The following RGS8 variants were observed in gnomAD, a reference collection of about 807,000 sequenced individuals.
The protein encoded by RGS8 is regulator of G protein signaling 8, also known as regulator of G-protein signaling 8.
RGS8 carries 8 observed loss-of-function variants against 21.7 expected under a neutral mutation model. The observed-to-expected ratio is 0.37, with a 90% CI of 0.22 to 0.66. The LOEUF (loss-of-function observed/expected upper bound fraction) is 0.66, where lower values mean the gene tolerates loss of function less well. Ranked by LOEUF, RGS8 falls within the 30% of genes least tolerant of loss-of-function variation. The probability of loss-of-function intolerance (pLI) is 0.59; values close to 1 mark genes in which losing one functional copy is unlikely to be tolerated. For synonymous variants in RGS8, 80 were observed against 83.6 expected (o/e 0.96, Z 0.24); for missense variants, 157 against 217.9 (o/e 0.72, Z 1.76).
intron 1 of RGS8, among the ~76,000 whole-genome samples, chr1:182,683,472 A>C (rs1664605181): frequency 6.6e-6 from 1 of 152,078 alleles, no homozygotes; most frequent in Non-Finnish European, 1.5e-5. Context: ...GGATGGGGTA[A>C]GCTTTCCTTC....
chr1:182,649,904 TC>T (rs1662917089), intron 5 of RGS8, among the ~76,000 whole-genome samples: 1 of 146,344 alleles, frequency 6.8e-6, no homozygotes, highest in Admixed American at 6.8e-5. Context: ...TGTTAACAAC[TC>T]TTTTTTTTTT....
chr1:182,643,012 G>C (rs904935278), downstream of RGS8: 5 of 152,250 alleles, frequency 3.3e-5, no homozygotes, highest in Non-Finnish European at 7.3e-5. Flanking sequence ...ACACAAGGGC[G>C]CAGGAAAACA....
At chr1:182,706,520 A>T in the RGS8 span, among the ~76,000 whole-genome samples, 3 of 150,964 alleles carry the variant, frequency 2.0e-5, no homozygotes, top group Non-Finnish European at 3.0e-5. Flanking sequence ...AGGCTGGAGT[A>T]CAGTGGTACG....
At chr1:182,724,201 G>GAGATATATATATATAT in the RGS8 span, among the ~76,000 whole-genome samples, 2 of 42,082 alleles carry the variant, frequency 4.8e-5, no homozygotes, top group African/African-American at 7.3e-5. Flanking sequence ...GGCTAGACTG[G>GAGATATATATATATAT]ATATATATAT....
chr1:182,693,322 A>T, the RGS8 span, among the ~76,000 whole-genome samples: 3 of 152,242 alleles, frequency 2.0e-5, no homozygotes, highest in African/African-American at 7.2e-5. Context: ...ATGAACAGAC[A>T]CTTTTCAAAA....
intron 5 of RGS8, among the ~76,000 whole-genome samples, chr1:182,662,969 T>C (rs1037192181): frequency 6.6e-6 from 1 of 151,972 alleles, no homozygotes; most frequent in Non-Finnish European, 1.5e-5. Context: ...GGGGAAATAA[T>C]CATCTGTGTT....
At chr1:182,704,575 A>C in the RGS8 span, among the ~76,000 whole-genome samples, 9 of 152,256 alleles carry the variant, frequency 5.9e-5, no homozygotes, top group Admixed American at 3.3e-4. Flanking sequence ...GTGGCTCCAC[A>C]GTACTAACCC....
At chr1:182,721,551 C>A in the RGS8 span, among the ~76,000 whole-genome samples, 2 of 152,206 alleles carry the variant, frequency 1.3e-5, no homozygotes, top group Admixed American at 1.3e-4. Context: ...GAGAGTGCTG[C>A]TTTCCCAGGG....
upstream of RGS8, among the ~76,000 whole-genome samples, chr1:182,675,200 G>T (rs752459659): frequency 6.6e-5 from 10 of 152,178 alleles, no homozygotes; most frequent in Non-Finnish European, 2.9e-5. Context: ...AGTCCCACAA[G>T]GGACCCTAAG....
the RGS8 span, among the ~76,000 whole-genome samples, chr1:182,734,029 T>A: frequency 2.0e-5 from 3 of 151,970 alleles, no homozygotes; most frequent in African/African-American, 7.2e-5. Flanking sequence ...CAAGCAATTC[T>A]CCTGCCTCAG....
chr1:182,651,057 T>A (rs532864827), intron 5 of RGS8, among the ~76,000 whole-genome samples: 4 of 152,300 alleles, frequency 2.6e-5, no homozygotes, highest in South Asian at 4.1e-4. Flanking sequence ...CACCTCCTGC[T>A]CCCATTCCTA....
the RGS8 span, among the ~76,000 whole-genome samples, chr1:182,724,227 T>TATATATATATATATATGG: frequency 8.5e-6 from 1 of 117,140 alleles, no homozygotes; most frequent in Non-Finnish European, 1.9e-5. Context: ...TATATATATA[T>TATATATATATATATATGG]ATATATATAT....
the RGS8 span, among the ~76,000 whole-genome samples, chr1:182,703,079 C>G: frequency 3.9e-5 from 6 of 152,238 alleles, no homozygotes; most frequent in East Asian, 1.9e-4. Flanking sequence ...GTACCATGCA[C>G]TTTGCAATGC....
chr1:182,742,608 G>A, the RGS8 span, among the ~76,000 whole-genome samples: 55 of 152,358 alleles, frequency 3.6e-4, no homozygotes, highest in Non-Finnish European at 5.7e-4. Context: ...GCGTGGTGGC[G>A]CGCGCCTGCA....
At chr1:182,726,184 C>CAAAAAAAAAA in the RGS8 span, among the ~76,000 whole-genome samples, 1 of 115,110 alleles carries the variant, frequency 8.7e-6, no homozygotes, top group Non-Finnish European at 1.8e-5. Flanking sequence ...ATGCTAATCT[C>CAAAAAAAAAA]AAAAAAAAAA....
intron 2 of RGS8, among the ~76,000 whole-genome samples, chr1:182,670,471 T>A (rs1037829107): frequency 1.3e-5 from 2 of 152,196 alleles, no homozygotes; most frequent in African/African-American, 4.8e-5. Context: ...ACAGTCTTCC[T>A]CTCCTGAGGG....
downstream of RGS8, chr1:182,643,939 G>A (rs1482983434): frequency 6.6e-6 from 1 of 152,304 alleles, no homozygotes; most frequent in Non-Finnish European, 1.5e-5. Flanking sequence ...GGCTTGCCTG[G>A]AGCCTGCATA....
At chr1:182,727,794 C>A in the RGS8 span, among the ~76,000 whole-genome samples, 1 of 152,080 alleles carries the variant, frequency 6.6e-6, no homozygotes, top group Non-Finnish European at 1.5e-5. Context: ...AATCTGCATT[C>A]TTTCCCTATT....
the RGS8 span, among the ~76,000 whole-genome samples, chr1:182,692,833 C>T: frequency 6.6e-6 from 1 of 152,176 alleles, no homozygotes; most frequent in Admixed American, 6.5e-5. Context: ...TGCACACCCA[C>T]AACCTTCTGA....
Sources: gnomAD v4.1 joint callset for allele counts (sites outside exome capture counted in the v4.1 genomes callset) on GRCh38, gnomAD v4.1.1 for gene constraint, MANE v1.5 for transcripts, NCBI Gene and HGNC (gene_info 2026-07-23, HGNC 2026-07-21) for gene names.